The following KSR1 variants were observed in gnomAD, a reference collection of about 807,000 sequenced individuals.
The protein encoded by KSR1 is kinase suppressor of ras 1, also known as kinase suppressor of ras.
In KSR1, 35 loss-of-function variants were observed where a neutral mutation model predicts 92.9. The observed-to-expected ratio is 0.38, with a 90% CI of 0.29 to 0.50. The LOEUF is 0.50. Among genes scored for constraint, KSR1 ranks in the 20% least tolerant of loss-of-function variants. The probability of loss-of-function intolerance (pLI) is 0.94; values close to 1 mark genes in which losing one functional copy is unlikely to be tolerated. For missense variants in KSR1, 972 were observed against 1,158.5 expected, an observed-to-expected ratio of 0.84 and a Z score of 2.34; for synonymous variants, 467 against 472.6, an observed-to-expected ratio of 0.99 and a Z score of 0.15.
intron 19 of KSR1, chr17:27,617,691 C>A: frequency 2.3e-6 from 1 of 425,850 alleles, no homozygotes; most frequent in Non-Finnish European, 4.4e-6. Flanking sequence ...CCACACTTGG[C>A]TAATTATTGT....
intron 1 of KSR1, among the ~76,000 whole-genome samples, chr17:27,488,692 G>A (rs1238823864): frequency 6.6e-6 from 1 of 152,142 alleles, no homozygotes; most frequent in Non-Finnish European, 1.5e-5. Flanking sequence ...TAGGCCAGGC[G>A]CAGTGGCTCA....
chr17:27,526,949 C>A, intron 1 of KSR1: 1 of 597,668 alleles, frequency 1.7e-6, no homozygotes, highest in Non-Finnish European at 3.1e-6. Context: ...CTTTCACCTT[C>A]TCTCTCCTTT....
chr17:27,601,493 T>G, intron 11 of KSR1, 92 bp downstream of exon 11: 2 of 1,033,104 alleles, frequency 1.9e-6, no homozygotes, highest in Non-Finnish European at 3.0e-6. Flanking sequence ...CTGGGTACCT[T>G]TGGAGATACT....
intron 11 of KSR1, chr17:27,601,980 C>T: frequency 6.4e-7 from 1 of 1,567,080 alleles, no homozygotes; most frequent in Non-Finnish European, 8.7e-7. Flanking sequence ...CATTGAGTCC[C>T]TTCTGCAAAA....
At position 27,611,560 on chromosome 17, in the gene KSR1, C is replaced by T; in HGVS notation, c.2424C>T (p.Ile808=). 1.2e-6 allele frequency: 2 copies of T among 1,613,884 alleles called. No individual in the cohort carries two copies. Among genetic ancestry groups the T allele is most frequent in the Non-Finnish European group, 1.7e-6 (2 of 1,179,790 alleles). ...AGAACCAGGCTGCAGAGGCATCCATCTGGCAGATTGGAAGCGGGGAAGGAA... is the reference window on the plus strand; with the variant it reads ...AGAACCAGGCTGCAGAGGCATCCATTTGGCAGATTGGAAGCGGGGAAGGAA... ...PLKNQAAEAS[I]WQIGSGEGMK... The change falls in exon 18 of 21, where the codon ATC becomes ATT. Residue 808 remains isoleucine (I), a synonymous_variant. Coordinates refer to ENST00000644974, the MANE Select transcript of KSR1 (RefSeq NM_001394583.1).
intron 2 of KSR1, among the ~76,000 whole-genome samples, chr17:27,555,390 T>C (rs2071552459): frequency 6.6e-6 from 1 of 152,240 alleles, no homozygotes; most frequent in African/African-American, 2.4e-5. Flanking sequence ...ACACATTGGG[T>C]TCTAATCCAA....
intron 1 of KSR1, among the ~76,000 whole-genome samples, chr17:27,543,506 C>A (rs1006903697): frequency 6.6e-5 from 10 of 152,224 alleles, no homozygotes; most frequent in Non-Finnish European, 1.5e-4. Context: ...AGTCTCTTTC[C>A]TCAGTGGCAC....
Position 27,577,384 on chromosome 17 carries a change from A to AG in KSR1, c.373-107dup. On this transcript the variant is annotated intron_variant, in intron 2 of 20. Transcript: ENST00000644974. This position sits in a 1 kb window ranked among gnomAD's most constrained non-coding sequence, Gnocchi z 4.5. ...GGTGGCTCTGGTCAGAGGCCGGCCC[A>AG]GCCAGCAGCTGGCCCCTGCCACTCA... is the stretch of plus-strand genomic sequence containing the variant. 1.5e-6 allele frequency: 1 copy of AG among 678,006 alleles called. No homozygotes were observed. The highest frequency in any genetic ancestry group is 1.8e-5 in the South Asian group (1 of 55,192). The allele number at this position is 678,006 out of a possible 1,614,324, so 42.0% of individuals were successfully genotyped here.
chr17:27,606,640 C>G (rs950115732), intron 14 of KSR1, among the ~76,000 whole-genome samples: 1 of 152,056 alleles, frequency 6.6e-6, no homozygotes, highest in Non-Finnish European at 1.5e-5. Context: ...TTATAACATC[C>G]ATCACTTCCT....
chr17:27,543,320 C>A (rs1030709136), intron 1 of KSR1, among the ~76,000 whole-genome samples: 1 of 152,206 alleles, frequency 6.6e-6, no homozygotes, highest in African/African-American at 2.4e-5. Flanking sequence ...ACAGCCATGA[C>A]ACACCATGGA....
intron 1 of KSR1, among the ~76,000 whole-genome samples, chr17:27,504,774 C>T (rs1055191526): frequency 2.0e-5 from 3 of 152,166 alleles, no homozygotes; most frequent in Admixed American, 2.0e-4. Context: ...GCAGGAAGTG[C>T]ACTGAAGGCT....
At chr17:27,525,992 C>CTTTTCTTTTCTT (rs2070248170) in intron 1 of KSR1, among the ~76,000 whole-genome samples, 2 of 35,666 alleles carry the variant, frequency 5.6e-5, no homozygotes, top group South Asian at 2.8e-3. Context: ...CTGCAACTAA[C>CTTTTCTTTTCTT]TTTTCTTTTC....
At position 27,623,651 on chromosome 17, in the gene KSR1, C is replaced by G. The variant is rs568340135; in HGVS notation, c.*259C>G. On this transcript the variant is annotated 3_prime_UTR_variant, in exon 21 of 21. Coordinates refer to ENST00000644974, the MANE Select transcript of KSR1 (RefSeq NM_001394583.1). ...TACACGTATATTTCTCCTGAGTGAA[C>G]CTGATGTTTTACAATAGGTAATAAT... 3 of 602,728 alleles carry G rather than the reference C, an allele frequency of 5.0e-6. No individual in the cohort carries two copies. In the African/African-American group the frequency reaches 5.6e-5, roughly 11 times the overall value. The allele number at this position is 602,728 out of a possible 1,614,324, so 37.3% of individuals were successfully genotyped here.
chr17:27,616,303 T>C (rs970763515), intron 18 of KSR1, among the ~76,000 whole-genome samples: 4 of 152,238 alleles, frequency 2.6e-5, no homozygotes, highest in Non-Finnish European at 4.4e-5. Flanking sequence ...TCTTACCTTC[T>C]TTTGTATTTT....
Position 27,543,860 on chromosome 17 carries a change from A to G in KSR1, c.232-6708A>G, listed in dbSNP as rs527736091. Among the ~76,000 whole-genome samples the G allele has an allele frequency of 3.2e-4, 49 of 152,286 alleles. 1 individual carries two copies. The South Asian group carries it at 9.9e-3, about 31-fold the overall frequency. ...TGGCCGTCTCGCCTTTAGAAGAAAT[A>G]TATCTGATGCGTGGGTTCCTCCAGC... On this transcript the variant is annotated intron_variant, in intron 1 of 20. Transcript: ENST00000644974.
intron 1 of KSR1, among the ~76,000 whole-genome samples, chr17:27,472,884 C>T (rs1284930027): frequency 6.6e-6 from 1 of 152,218 alleles, no homozygotes; most frequent in Non-Finnish European, 1.5e-5. Flanking sequence ...CTATCCCTTC[C>T]TCCCACAGTT....
At chr17:27,610,291 T>C in intron 17 of KSR1, 93 bp downstream of exon 17, 1 of 1,548,708 alleles carries the variant, frequency 6.5e-7, no homozygotes. Context: ...CTTTTAGGTG[T>C]TGAAAACCCA....
chr17:27,498,926 G>A (rs538976250), intron 1 of KSR1, among the ~76,000 whole-genome samples: 131 of 152,290 alleles, frequency 8.6e-4, no homozygotes, highest in African/African-American at 2.8e-3. Context: ...TGAAAGAAAT[G>A]AGTGCAGCTG....
chr17:27,614,301 T>C (rs569783965), intron 18 of KSR1, among the ~76,000 whole-genome samples: 1 of 152,264 alleles, frequency 6.6e-6, no homozygotes, highest in Non-Finnish European at 1.5e-5. Context: ...GGGGATTCTT[T>C]CCAGTTTTAA....
Sources: allele counts gnomAD v4.1 joint callset (sites outside exome capture counted in the v4.1 genomes callset), GRCh38; gene constraint gnomAD v4.1.1; non-coding constraint Gnocchi (gnomAD v3.1); transcripts MANE v1.5; gene names NCBI Gene and HGNC (gene_info 2026-07-23, HGNC 2026-07-21).